The following TBC1D19 variants were observed in gnomAD, a reference collection of about 807,000 sequenced individuals.
The protein encoded by TBC1D19 is TBC1 domain family, member 19.
TBC1D19 carries 60 observed loss-of-function variants against 89.0 expected under a neutral mutation model. The ratio of observed to expected loss-of-function variants is 0.67; its 90% CI spans 0.55 to 0.84. The LOEUF is 0.84. TBC1D19 is among the 40% of genes least tolerant of loss of function. TBC1D19 has a pLI of 0.00. For synonymous variants in TBC1D19, 189 were observed against 199.7 expected, an observed-to-expected ratio of 0.95 and a Z score of 0.45; for missense variants, 500 against 610.8, an observed-to-expected ratio of 0.82 and a Z score of 1.91.
At chr4:26,615,684 A>C (rs1389138089) in intron 3 of TBC1D19, among the ~76,000 whole-genome samples, 3 of 152,154 alleles carry the variant, frequency 2.0e-5, no homozygotes, top group Non-Finnish European at 4.4e-5. Flanking sequence ...CTTTGCTCAA[A>C]TCCATCTTCC....
At chr4:26,821,072 G>A in the TBC1D19 span, among the ~76,000 whole-genome samples, 1 of 152,336 alleles carries the variant, frequency 6.6e-6, no homozygotes, top group East Asian at 1.9e-4. Context: ...TGCCAATATG[G>A]CGCCTGGAAG....
At chr4:26,846,390 C>G in the TBC1D19 span, among the ~76,000 whole-genome samples, 1 of 152,122 alleles carries the variant, frequency 6.6e-6, no homozygotes, top group Non-Finnish European at 1.5e-5. Flanking sequence ...TTTTCAACTA[C>G]TTGTATTTAT....
intron 11 of TBC1D19, among the ~76,000 whole-genome samples, chr4:26,679,310 A>G (rs1713121593): frequency 6.6e-6 from 1 of 152,164 alleles, no homozygotes; most frequent in Non-Finnish European, 1.5e-5. Flanking sequence ...AGCTCCAGCC[A>G]TGACTAAAAG....
At chr4:26,858,598 C>T in the TBC1D19 span, 2 of 152,204 alleles carry the variant, frequency 1.3e-5, no homozygotes, top group African/African-American at 4.8e-5. Context: ...TGGATTTTCT[C>T]CTTTCTGTTC....
intron 13 of TBC1D19, among the ~76,000 whole-genome samples, chr4:26,711,575 A>G (rs1251439155): frequency 6.6e-6 from 1 of 152,078 alleles, no homozygotes; most frequent in African/African-American, 2.4e-5. Flanking sequence ...CTATATGTAG[A>G]CATTTTAGGT....
the TBC1D19 span, among the ~76,000 whole-genome samples, chr4:26,791,453 C>T: frequency 3.3e-5 from 5 of 152,044 alleles, no homozygotes; most frequent in African/African-American, 9.7e-5. Context: ...TAAAGGGTTC[C>T]GAGCAGAGGC....
chr4:26,835,599 C>T, the TBC1D19 span, among the ~76,000 whole-genome samples: 1 of 152,184 alleles, frequency 6.6e-6, no homozygotes, highest in African/African-American at 2.4e-5. Flanking sequence ...CACATCCACT[C>T]TCCTTCCTGA....
chr4:26,852,227 T>C, the TBC1D19 span, among the ~76,000 whole-genome samples: 1 of 152,188 alleles, frequency 6.6e-6, no homozygotes, highest in African/African-American at 2.4e-5. Context: ...TCCTTGACTT[T>C]CTCCTCTCAC....
the TBC1D19 span, among the ~76,000 whole-genome samples, chr4:26,767,021 G>A: frequency 1.3e-5 from 2 of 152,122 alleles, no homozygotes; most frequent in East Asian, 1.9e-4. Context: ...ATAAATCTGC[G>A]AGACCAGGCA....
chr4:26,771,508 T>A, the TBC1D19 span, among the ~76,000 whole-genome samples: 1 of 152,170 alleles, frequency 6.6e-6, no homozygotes, highest in African/African-American at 2.4e-5. Flanking sequence ...AAGAAAATCC[T>A]GCCATCTATG....
the TBC1D19 span, among the ~76,000 whole-genome samples, chr4:26,788,556 C>A: frequency 0.014 from 2,132 of 152,250 alleles, 56 homozygotes; most frequent in African/African-American, 0.047. Flanking sequence ...AGCCACACCA[C>A]CAGTGGATAA....
At chr4:26,788,572 A>AAG in the TBC1D19 span, among the ~76,000 whole-genome samples, 1 of 152,144 alleles carries the variant, frequency 6.6e-6, no homozygotes. Context: ...GATAACAGAG[A>AAG]AGAGAGAGAA....
chr4:26,661,378 C>T (rs1174389098), intron 8 of TBC1D19, among the ~76,000 whole-genome samples: 1 of 152,128 alleles, frequency 6.6e-6, no homozygotes, highest in Non-Finnish European at 1.5e-5. Flanking sequence ...AGAGAAAAGA[C>T]TAACAAGGAT....
downstream of TBC1D19, among the ~76,000 whole-genome samples, chr4:26,758,778 G>T (rs1005019193): frequency 3.3e-5 from 5 of 152,164 alleles, no homozygotes; most frequent in African/African-American, 1.2e-4. Flanking sequence ...CAACAGAAAG[G>T]ATCCTAACTG....
chr4:26,713,488 A>G (rs2109250843), intron 13 of TBC1D19, among the ~76,000 whole-genome samples: 1 of 152,194 alleles, frequency 6.6e-6, no homozygotes, highest in South Asian at 2.1e-4. Context: ...AGAACATATC[A>G]TTTTGGAATT....
intron 15 of TBC1D19, among the ~76,000 whole-genome samples, chr4:26,725,176 A>G (rs887413357): frequency 7.9e-5 from 12 of 152,166 alleles, no homozygotes; most frequent in African/African-American, 2.9e-4. Context: ...GGAGTAGGGT[A>G]TGGTAGGTGG....
chr4:26,825,782 A>G, the TBC1D19 span, among the ~76,000 whole-genome samples: 6 of 152,348 alleles, frequency 3.9e-5, no homozygotes, highest in Middle Eastern at 3.4e-3. Context: ...CAACTGTAAA[A>G]CAGGGTTAAT....
intron 1 of TBC1D19, among the ~76,000 whole-genome samples, chr4:26,591,996 G>A (rs993558244): frequency 2.0e-5 from 3 of 152,136 alleles, no homozygotes; most frequent in African/African-American, 7.2e-5. Context: ...TATGAGGCCA[G>A]CATCATCCTG....
chr4:26,654,387 G>A (rs570533460), intron 7 of TBC1D19, among the ~76,000 whole-genome samples: 22 of 152,172 alleles, frequency 1.4e-4, no homozygotes, highest in South Asian at 2.1e-4. Flanking sequence ...TCTTTCTGGC[G>A]TTCTCTGTAT....
Sources: gnomAD v4.1 joint callset for allele counts (sites outside exome capture counted in the v4.1 genomes callset) on GRCh38, gnomAD v4.1.1 for gene constraint, MANE v1.5 for transcripts, NCBI Gene and HGNC (gene_info 2026-07-23, HGNC 2026-07-21) for gene names.